Variants in SLC29A1 observed in about 807,000 individuals in gnomAD.
SLC29A1 encodes the protein solute carrier family 29 member 1 (Augustine blood group), also known as equilibrative nucleoside transporter 1.
A neutral mutation model predicts 48.3 loss-of-function variants in SLC29A1; 22 were observed. The ratio of observed to expected loss-of-function variants is 0.46; its 90% confidence interval spans 0.33 to 0.65. The LOEUF is 0.65. SLC29A1 is among the 30% of genes least tolerant of loss of function. The pLI is 0.03. For missense variants in SLC29A1, 491 were observed against 575.3 expected (o/e 0.85, Z 1.50); for synonymous variants, 228 against 231.0 (o/e 0.99, Z 0.12).
At chr6:44,223,263 A>G (rs554265040), upstream of SLC29A1, among the ~76,000 whole-genome samples, 3 of 150,860 alleles carry the variant, frequency 2.0e-5, no homozygotes, top group African/African-American at 7.3e-5. This position sits in a 1 kb window ranked among gnomAD's most constrained non-coding sequence, Gnocchi z 5.0. Flanking sequence ...GGGTGTGTAA[A>G]TGGAACAGTC....
upstream of SLC29A1, among the ~76,000 whole-genome samples, chr6:44,220,914 C>G (rs745720989): frequency 6.6e-6 from 1 of 152,120 alleles, no homozygotes; most frequent in Non-Finnish European, 1.5e-5. Context: ...AGGTCTTGCT[C>G]TGTTGCCCAG....
chr6:44,233,649 C>G lies in SLC29A1; in HGVS notation c.*121C>G. ...TCTTCTAACTGACTTCTGCTTTCCA[C>G]GGCGTGTGCTGGGCCCGGATCTCCA... On this transcript the variant is annotated 3_prime_UTR_variant, in exon 13 of 13. Coordinates refer to ENST00000371755, the MANE Select transcript of SLC29A1 (RefSeq NM_001372327.1). 1 of 771,794 alleles carries G rather than the reference C, an allele frequency of 1.3e-6. No individual in the cohort carries two copies. Among genetic ancestry groups the G allele is most frequent in the Admixed American group, 2.2e-5 (1 of 46,500 alleles). 47.8% of individuals were successfully genotyped at this position (771,794 alleles called of 1,614,324 possible). A position where few individuals can be genotyped will look rare whatever the true frequency, so the allele number is the denominator to read the frequency against.
chr6:44,233,598 T>G lies in SLC29A1; in HGVS notation c.*70T>G. The stretch of plus-strand genomic sequence containing the variant: ...TCCTGCCCCTTCCTTCTGCCAGGGG[T>G]GATCCTGAGTGGTCTGGCGGTTTTT... On this transcript the variant is annotated 3_prime_UTR_variant, in exon 13 of 13. Coordinates refer to ENST00000371755, the MANE Select transcript of SLC29A1 (RefSeq NM_001372327.1). The G allele has an allele frequency of 8.0e-7, 1 of 1,244,852 alleles. No homozygotes were observed. The highest frequency in any genetic ancestry group is 1.2e-6 in the Non-Finnish European group (1 of 847,582). 77.1% of individuals were successfully genotyped at this position (1,244,852 alleles called of 1,614,324 possible).
rs371380962 is a variant in SLC29A1 at position 44,232,398 on chromosome 6, G to A, written c.1029G>A (p.Leu343=). ...CFLTFNIFDW[L]GRSLTAVFMW... ...TGACTTTCAATATCTTTGACTGGTT[G>A]GGCCGGAGCCTCACAGCTGTATTCA... Residue 343 remains leucine (L), a synonymous_variant, in exon 11 of 13, where the codon TTG becomes TTA. Coordinates refer to ENST00000371755, the MANE Select transcript of SLC29A1 (RefSeq NM_001372327.1). The surrounding 1 kb of genome is among the most constrained non-coding windows in gnomAD (Gnocchi z 4.7). 6.2e-7 allele frequency: 1 copy of A among 1,613,566 alleles called. No homozygotes were observed. The highest frequency in any genetic ancestry group is 1.7e-5 in the Admixed American group (1 of 59,992).
chr6:44,230,250 C>A, intron 5 of SLC29A1, 97 bp from the exon 6 acceptor site: 1 of 1,548,204 alleles, frequency 6.5e-7, no homozygotes, highest in Non-Finnish European at 8.8e-7. Context: ...CCTCAAGGCT[C>A]ACCAAGAGTA....
chr6:44,228,228 C>G (rs575206711), intron 2 of SLC29A1, among the ~76,000 whole-genome samples: 2 of 152,224 alleles, frequency 1.3e-5, no homozygotes, highest in African/African-American at 4.8e-5. Context: ...CACCTCCGCT[C>G]TCCTGTGGGC....
At chr6:44,233,143 C>A in intron 12 of SLC29A1, 137 bp downstream of exon 12, 1 of 958,774 alleles carries the variant, frequency 1.0e-6, no homozygotes, top group African/African-American at 1.6e-5. Flanking sequence ...GAGGGGCTCC[C>A]AGGCTGAGGG....
chr6:44,232,201 G>C lies in SLC29A1; in HGVS notation c.973+95G>C. The C allele has an allele frequency of 8.6e-7, 1 of 1,166,520 alleles. No individual in the cohort carries two copies. The highest frequency in any genetic ancestry group is 1.3e-6 in the Non-Finnish European group (1 of 775,442). The allele number at this position is 1,166,520 out of a possible 1,614,324, so 72.3% of individuals were successfully genotyped here. A position where few individuals can be genotyped will look rare whatever the true frequency, so the allele number is the denominator to read the frequency against. On this transcript the variant is annotated intron_variant, in intron 10 of 12. Transcript: ENST00000371755. The surrounding 1 kb of genome is among the most constrained non-coding windows in gnomAD (Gnocchi z 4.7). ...AGGGAGCCTGGGTCACCTTCTCCCC[G>C]TTTCCTGGGTCCATTTGCCCTTCCC...
intron 1 of SLC29A1, 24 bp from the exon 2 acceptor site, chr6:44,227,235 GGCCT>G (rs1224571573): frequency 1.2e-6 from 2 of 1,603,988 alleles, no homozygotes; most frequent in Admixed American, 3.4e-5. Flanking sequence ...GCCAAGACAG[GGCCT>G]CACACTGTTC....
At chr6:44,225,343 T>A (rs189006864) in intron 1 of SLC29A1, among the ~76,000 whole-genome samples, 42 of 152,034 alleles carry the variant, frequency 2.8e-4, no homozygotes, top group Non-Finnish European at 5.4e-4. Flanking sequence ...CTGTCTCTAC[T>A]AAAAATACAG....
intron 1 of SLC29A1, chr6:44,224,020 G>GGATGGA (rs1561874332): frequency 1.2e-6 from 1 of 835,232 alleles, no homozygotes; most frequent in African/African-American, 1.9e-5. Context: ...ATGGGGATGG[G>GGATGGA]GATGGAGGCT....
At position 44,232,588 on chromosome 6, in the gene SLC29A1, A is replaced by C. The variant is rs1128930; in HGVS notation, c.1059+160A>C. Reference sequence around the variant, plus strand: ...AGTACAAGTCTTAAGTGTACAACTTAATGAATATATGTATATACACATACC... The same window carrying C: ...AGTACAAGTCTTAAGTGTACAACTTCATGAATATATGTATATACACATACC... On this transcript the variant is annotated intron_variant, in intron 11 of 12. Transcript: ENST00000371755. The surrounding 1 kb of genome is among the most constrained non-coding windows in gnomAD (Gnocchi z 4.7). 210,026 of 644,174 alleles carry C rather than the reference A, an allele frequency of 0.33. 35,685 individuals carry two copies. Among genetic ancestry groups the C allele is most frequent in the Middle Eastern group, 0.39 (924 of 2,394 alleles). The allele number at this position is 644,174 out of a possible 1,614,324, so 39.9% of individuals were successfully genotyped here.
chr6:44,221,440 CTG>C, upstream of SLC29A1: 1 of 358,678 alleles, frequency 2.8e-6, no homozygotes, highest in South Asian at 2.1e-5. The surrounding 1 kb of genome is among the most constrained non-coding windows in gnomAD (Gnocchi z 4.2). Context: ...AGAGAGAGGA[CTG>C]TGTGTGAGGT....
At chr6:44,220,108 C>T (rs1192932336), upstream of SLC29A1, among the ~76,000 whole-genome samples, 2 of 152,102 alleles carry the variant, frequency 1.3e-5, no homozygotes, top group East Asian at 3.8e-4. Context: ...TTCTCGAACC[C>T]CGAGCCAGTA....
At chr6:44,230,153 G>A (rs1283941298) in intron 5 of SLC29A1, 107 bp downstream of exon 5, 3 of 1,518,268 alleles carry the variant, frequency 2.0e-6, no homozygotes, top group Non-Finnish European at 2.7e-6. Flanking sequence ...CCGCCTGGAG[G>A]GAGTGGATGC....
chr6:44,227,141 G>C (rs1777738066), intron 1 of SLC29A1, 122 bp from the exon 2 acceptor site: 3 of 1,398,082 alleles, frequency 2.1e-6, no homozygotes. Flanking sequence ...GGGTGCAGAG[G>C]GGGTCTTACT....
upstream of SLC29A1, among the ~76,000 whole-genome samples, chr6:44,221,401 G>A (rs1776403267): frequency 6.6e-6 from 1 of 152,338 alleles, no homozygotes. This position sits in a 1 kb window ranked among gnomAD's most constrained non-coding sequence, Gnocchi z 4.2. Context: ...TGACTTGTTG[G>A]TGACAGCTGA....
At position 44,232,651 on chromosome 6, in the gene SLC29A1, GA is replaced by G; in HGVS notation, c.1060-154del. Reference sequence around the variant, plus strand: ...GATGTAGAATATTTCCAGCACTCCAGAAGGCTCCACCATGCCCCTTTCAAGA... The same window carrying G: ...GATGTAGAATATTTCCAGCACTCCAGAGGCTCCACCATGCCCCTTTCAAGA... On this transcript the variant is annotated intron_variant, in intron 11 of 12. Coordinates refer to ENST00000371755, the MANE Select transcript of SLC29A1 (RefSeq NM_001372327.1). The surrounding 1 kb of genome is among the most constrained non-coding windows in gnomAD (Gnocchi z 4.7). 1.4e-6 allele frequency: 1 copy of G among 698,656 alleles called. No individual in the cohort carries two copies. Among genetic ancestry groups the G allele is most frequent in the South Asian group, 1.7e-5 (1 of 57,354 alleles). 43.3% of individuals were successfully genotyped at this position (698,656 alleles called of 1,614,324 possible). A position where few individuals can be genotyped will look rare whatever the true frequency, so the allele number is the denominator to read the frequency against.
intron 1 of SLC29A1, chr6:44,226,820 C>G (rs1206416734): frequency 8.9e-6 from 9 of 1,014,274 alleles, no homozygotes; most frequent in Admixed American, 1.0e-4. Flanking sequence ...CTCCCCCGAC[C>G]TCTTTGCTGT....
Sources: gnomAD v4.1 joint callset for allele counts (sites outside exome capture counted in the v4.1 genomes callset) on GRCh38, gnomAD v4.1.1 for gene constraint, Gnocchi (gnomAD v3.1) non-coding constraint, MANE v1.5 for transcripts, NCBI Gene and HGNC (gene_info 2026-07-23, HGNC 2026-07-21) for gene names.